Variants in MAP3K12 observed in about 807,000 individuals in gnomAD.
MAP3K12 encodes mitogen-activated protein kinase kinase kinase 12.
In MAP3K12, 14 loss-of-function variants were observed where a neutral mutation model predicts 87.5. That is an observed-to-expected ratio of 0.16 (90% confidence interval 0.11 to 0.25). MAP3K12 has a LOEUF of 0.25. MAP3K12 is among the 10% of genes least tolerant of loss of function. The pLI, the probability that MAP3K12 is intolerant of heterozygous loss-of-function variation, is 1.00. For missense variants in MAP3K12, 802 were observed against 1,140.4 expected (o/e 0.70, Z 4.27); for synonymous variants, 469 against 452.5 (o/e 1.04, Z -0.46).
At position 53,483,618 on chromosome 12, in the gene MAP3K12, C is replaced by T. The variant is rs1943139897; in HGVS notation, c.1464G>A (p.Arg488=). 3 of 1,614,116 alleles carry T rather than the reference C, an allele frequency of 1.9e-6. No homozygotes were observed. ...ACAGGTAGGGTTACCTGAGCAGCTCCCTCTCCTTGAGTTCCAGCTGCAACA... is the reference window on the plus strand; with the variant it reads ...ACAGGTAGGGTTACCTGAGCAGCTCTCTCTCCTTGAGTTCCAGCTGCAACA... ...ALMLQLELKE[R]ELLRREQALE... is the part of the protein sequence containing the mutation. Residue 488 remains arginine, a synonymous_variant, in exon 9 of 14, where the codon AGG becomes AGA. Transcript: ENST00000547488.
chr12:53,483,838 GGCTGGGTAGGAGCTGACTGGGTGCATAGT>G, intron 8 of MAP3K12, 44 bp downstream of exon 8: 1 of 1,610,506 alleles, frequency 6.2e-7, no homozygotes. Context: ...CCCGCCCTGG[GGCTGGGTAGGAGCTGACTGGGTGCATAGT>G]CCTTGCTGTT....
chr12:53,500,408 C>CT (rs1943658160), upstream of MAP3K12: 1 of 152,266 alleles, frequency 6.6e-6, no homozygotes, highest in Non-Finnish European at 1.5e-5. Flanking sequence ...ACCAAGGTGC[C>CT]TAGTCCTTCT....
rs1219470067 is a variant in MAP3K12 at position 53,486,486 on chromosome 12, G to A, written c.582C>T (p.Asp194=). The stretch of plus-strand genomic sequence containing the variant: ...GCTTCAGCTTTCGCAAGTGCTTGAT[G>A]TCGGTTTCTTTGAGGTCTCGCACCT... The part of the protein sequence containing the change: ...VKKVRDLKET[D]IKHLRKLKHP... The change falls in exon 3 of 14, where the codon GAC becomes GAT. Residue 194 remains aspartate (D), a synonymous_variant. Transcript: ENST00000547488. The surrounding 1 kb of genome is among the most constrained non-coding windows in gnomAD (Gnocchi z 4.9). 1 of 1,614,182 alleles carries A rather than the reference G, an allele frequency of 6.2e-7. No homozygotes were observed. Among genetic ancestry groups the A allele is most frequent in the Non-Finnish European group, 8.5e-7 (1 of 1,180,040 alleles).
rs1943108743 is a variant in MAP3K12 at position 53,482,867 on chromosome 12, G to T, written c.1936C>A (p.Leu646Met). 7 of 1,613,028 alleles carry T rather than the reference G, an allele frequency of 4.3e-6. No homozygotes were observed. Among genetic ancestry groups the T allele is most frequent in the Non-Finnish European group, 5.1e-6 (6 of 1,179,804 alleles). The change falls in exon 11 of 14, where the codon CTG becomes ATG. Residue 646 changes from leucine (L) to methionine (M), a missense_variant. Around this residue, in one of 5 missense-constraint regions of MAP3K12, gnomAD observed 490 missense variants for 496.6 expected, o/e 0.99. Transcript: ENST00000547488. ...LRKMSSSSPD[L>M]LSAALGSRGR... ...CGGGACCCTAGTGCTGCTGACAGCA[G>T]GTCTGGGGACGATGAAGACATTTTG...
chr12:53,501,353 T>A, upstream of MAP3K12: 2 of 1,543,206 alleles, frequency 1.3e-6, no homozygotes, highest in Non-Finnish European at 1.8e-6. Flanking sequence ...GTCGGCTGTG[T>A]ATTGGGGCGC....
chr12:53,487,432 T>G lies in MAP3K12; in HGVS notation c.-37-4A>C. The G allele has an allele frequency of 1.9e-6, 3 of 1,558,580 alleles. No individual in the cohort carries two copies. Among genetic ancestry groups the G allele is most frequent in the Non-Finnish European group, 2.6e-6 (3 of 1,152,780 alleles). On this transcript the variant is annotated splice_region_variant and splice_polypyrimidine_tract_variant and intron_variant, in intron 1 of 13. Coordinates refer to ENST00000547488, the MANE Select transcript of MAP3K12 (RefSeq NM_001193511.2). ...GTATGATGGTGAACACTGGGCCCTG[T>G]GGGAATGAAGGAAGGAGGGGCTGGG...
intron 1 of MAP3K12, among the ~76,000 whole-genome samples, chr12:53,495,435 C>T (rs1943525926): frequency 6.7e-6 from 1 of 149,280 alleles, no homozygotes; most frequent in Non-Finnish European, 1.5e-5. Context: ...ATGGTGAAAC[C>T]CCGTTTCTAC....
intron 4 of MAP3K12, 153 bp downstream of exon 4, chr12:53,485,903 A>G: frequency 1.5e-6 from 1 of 677,984 alleles, no homozygotes; most frequent in South Asian, 1.9e-5. Flanking sequence ...TGAGGGGCTC[A>G]CTACAGCCCT....
chr12:53,486,283 G>C lies in MAP3K12; in HGVS notation c.630-36C>G. On this transcript the variant is annotated intron_variant, in intron 3 of 13. Transcript: ENST00000547488. This position sits in a 1 kb window ranked among gnomAD's most constrained non-coding sequence, Gnocchi z 4.9. ...AACAATGGTATGAAGGCCTCAGCTG[G>C]CTCAGCATTCACCTGATTCATACCT... 6.4e-7 allele frequency: 1 copy of C among 1,568,576 alleles called. No homozygotes were observed. The highest frequency in any genetic ancestry group is 2.2e-5 in the East Asian group (1 of 44,460).
chr12:53,482,625 A>G lies in MAP3K12; in HGVS notation c.2178T>C (p.Ala726=). 2 of 1,613,912 alleles carry G rather than the reference A, an allele frequency of 1.2e-6. No individual in the cohort carries two copies. The highest frequency in any genetic ancestry group is 1.7e-6 in the Non-Finnish European group (2 of 1,180,010). Residue 726 remains alanine, a synonymous_variant, in exon 11 of 14, where the codon GCT becomes GCC. Transcript: ENST00000547488. The stretch of plus-strand genomic sequence containing the variant: ...CAGCTGGGGTCAAGTGCTGGGACCC[A>G]GCCCGGCTTCCTCCCCGGCCTGAGG... ...EGTSGRGGSR[A]GSQHLTPAAL...
chr12:53,497,612 C>T (rs1384716067), intron 1 of MAP3K12, among the ~76,000 whole-genome samples: 4 of 152,200 alleles, frequency 2.6e-5, no homozygotes, highest in African/African-American at 9.7e-5. Flanking sequence ...TCAACAGTAT[C>T]CTCCTTCTTC....
At position 53,482,992 on chromosome 12, in the gene MAP3K12, G is replaced by C; in HGVS notation, c.1811C>G (p.Pro604Arg). The C allele has an allele frequency of 6.3e-7, 1 of 1,574,930 alleles. No homozygotes were observed. Among genetic ancestry groups the C allele is most frequent in the Non-Finnish European group, 8.6e-7 (1 of 1,161,240 alleles). Residue 604 changes from proline (P) to arginine (R), a missense_variant, in exon 11 of 14, where the codon CCT becomes CGT. Physicochemically the swap from Pro to Arg is moderately radical, Grantham distance 103 (BLOSUM62 -2). Around this residue, in one of 5 missense-constraint regions of MAP3K12, gnomAD observed 490 missense variants for 496.6 expected, o/e 0.99. Transcript: ENST00000547488. ...GCCCCCTGGGCTTCCTGGTCCTCCA[G>C]GTTCATGGGGTGGCACAGCTGTACG... ...GLRTAVPPHEPGGPGSPGGLG... is the reference protein window; with the variant it reads ...GLRTAVPPHERGGPGSPGGLG...
Position 53,486,269 on chromosome 12 carries a change from G to T in MAP3K12, c.630-22C>A. On this transcript the variant is annotated intron_variant, in intron 3 of 13. Coordinates refer to ENST00000547488, the MANE Select transcript of MAP3K12 (RefSeq NM_001193511.2). This position sits in a 1 kb window ranked among gnomAD's most constrained non-coding sequence, Gnocchi z 4.9. ...ACCCCTGGGAGCCAAACAATGGTATGAAGGCCTCAGCTGGCTCAGCATTCA... is the reference window on the plus strand; with the variant it reads ...ACCCCTGGGAGCCAAACAATGGTATTAAGGCCTCAGCTGGCTCAGCATTCA... 1 of 1,582,578 alleles carries T rather than the reference G, an allele frequency of 6.3e-7. No individual in the cohort carries two copies. Among genetic ancestry groups the T allele is most frequent in the South Asian group, 1.2e-5 (1 of 86,364 alleles).
chr12:53,484,054 A>T (rs1943157283), intron 7 of MAP3K12, 34 bp from the exon 8 acceptor site: 1 of 1,593,814 alleles, frequency 6.3e-7, no homozygotes. Context: ...AGTGAGAGCC[A>T]TCCCTTCACC....
At position 53,483,647 on chromosome 12, in the gene MAP3K12, G is replaced by A. The variant is rs1776535775; in HGVS notation, c.1435C>T (p.Leu479Phe). 2 of 1,613,928 alleles carry A rather than the reference G, an allele frequency of 1.2e-6. No homozygotes were observed. Among genetic ancestry groups the A allele is most frequent in the Non-Finnish European group, 1.7e-6 (2 of 1,180,026 alleles). The part of the protein sequence containing the change: ...ANNLYMELNA[L>F]MLQLELKERE... The stretch of plus-strand genomic sequence containing the variant: ...TCCTTGAGTTCCAGCTGCAACATGA[G>A]GGCATTAAGTTCCATATACAGGTTG... Residue 479 changes from leucine (L) to phenylalanine (F), a missense_variant, in exon 9 of 14, where the codon CTC becomes TTC. Transcript: ENST00000547488.
chr12:53,494,479 AC>A (rs1313613447), intron 1 of MAP3K12, among the ~76,000 whole-genome samples: 1 of 151,796 alleles, frequency 6.6e-6, no homozygotes, highest in Non-Finnish European at 1.5e-5. Context: ...GTAGGAAGTC[AC>A]CCCCCATCTA....
Position 53,486,067 on chromosome 12 carries a change from G to A in MAP3K12, c.810C>T (p.Leu270=). The A allele has an allele frequency of 6.2e-7, 1 of 1,607,214 alleles. No individual in the cohort carries two copies. Among genetic ancestry groups the A allele is most frequent in the Non-Finnish European group, 8.5e-7 (1 of 1,176,130 alleles). Residue 270 remains leucine, a synonymous_variant, in exon 4 of 14, where the codon CTC becomes CTT. Coordinates refer to ENST00000547488, the MANE Select transcript of MAP3K12 (RefSeq NM_001193511.2). This position sits in a 1 kb window ranked among gnomAD's most constrained non-coding sequence, Gnocchi z 4.9. ...LHLHKIIHRD[L]KSPNMLITYD... is the part of the protein sequence containing the mutation. ...GCTTGCTTACTCACTTGGGTGACTT[G>A]AGATCCCTGTGGATAATCTTGTGCA...
At chr12:53,498,825 G>A (rs1299894859) in intron 1 of MAP3K12, among the ~76,000 whole-genome samples, 2 of 151,814 alleles carry the variant, frequency 1.3e-5, no homozygotes, top group African/African-American at 4.8e-5. Context: ...GGGATTAGGA[G>A]GATCACAGCT....
chr12:53,495,199 C>T (rs530145160), intron 1 of MAP3K12, among the ~76,000 whole-genome samples: 5 of 150,884 alleles, frequency 3.3e-5, no homozygotes, highest in Admixed American at 2.6e-4. Context: ...ATTAGCTGGG[C>T]GTGGTGGCGG....
Sources: allele counts gnomAD v4.1 joint callset (sites outside exome capture counted in the v4.1 genomes callset), GRCh38; gene constraint gnomAD v4.1.1; regional missense constraint gnomAD v4.1.1; non-coding constraint Gnocchi (gnomAD v3.1); transcripts MANE v1.5; gene names NCBI Gene and HGNC (gene_info 2026-07-23, HGNC 2026-07-21).